LRRC1: variants seen among roughly 807,000 people sequenced by gnomAD.
LRRC1 encodes the protein leucine-rich repeat-containing protein 1.
LRRC1 carries 28 observed loss-of-function variants against 69.9 expected under a neutral mutation model. That is an observed-to-expected ratio of 0.40 (90% CI 0.30 to 0.55). The LOEUF is 0.55. Among genes scored for constraint, LRRC1 ranks in the 20% least tolerant of loss-of-function variants. The pLI, the probability that LRRC1 is intolerant of heterozygous loss-of-function variation, is 0.47. For synonymous variants in LRRC1, 236 were observed against 240.2 expected (o/e 0.98, Z 0.16); for missense variants, 498 against 609.0 (o/e 0.82, Z 1.92).
rs1381896206 is a variant in LRRC1, at chr6:53,827,112, C to T, written c.160-14998C>T. Among the ~76,000 whole-genome samples the T allele has an allele frequency of 2.0e-5, 3 of 152,068 alleles. No homozygotes were observed. In the East Asian group the frequency reaches 5.8e-4, roughly 29 times the overall value. ...GCCTGGAGATTATGCACTAAGAATT[C>T]TTATGCTTAACAGTTGCCTCAGTAA... On this transcript the variant is annotated intron_variant, in intron 1 of 13. Coordinates refer to ENST00000370888, the MANE Select transcript of LRRC1 (RefSeq NM_018214.5).
At chr6:53,800,919 C>T (rs1357702773) in intron 1 of LRRC1, among the ~76,000 whole-genome samples, 2 of 152,218 alleles carry the variant, frequency 1.3e-5, no homozygotes, top group African/African-American at 2.4e-5. Flanking sequence ...GGATTACAGG[C>T]GTTAGCCACT....
chr6:53,910,642 G>T (rs1768378308), intron 10 of LRRC1, among the ~76,000 whole-genome samples: 1 of 152,076 alleles, frequency 6.6e-6, no homozygotes, highest in East Asian at 1.9e-4. Flanking sequence ...CATTTATTTG[G>T]CAACAGCAAA....
intron 12 of LRRC1, among the ~76,000 whole-genome samples, chr6:53,920,251 A>T (rs561475675): frequency 2.6e-4 from 39 of 152,346 alleles, no homozygotes; most frequent in African/African-American, 8.9e-4. Flanking sequence ...AGTGTCCATC[A>T]TGTGCAGCCA....
chr6:53,860,652 T>G (rs569628128), intron 2 of LRRC1, among the ~76,000 whole-genome samples: 1 of 152,292 alleles, frequency 6.6e-6, no homozygotes, highest in South Asian at 2.1e-4. Flanking sequence ...AGTCCTGCTT[T>G]TCATCCATTT....
intron 11 of LRRC1, among the ~76,000 whole-genome samples, chr6:53,918,147 TC>T (rs1474847949): frequency 6.6e-6 from 1 of 152,256 alleles, no homozygotes. Flanking sequence ...AATATTGCTC[TC>T]ATTAGTGAAA....
chr6:53,907,653 T>G (rs1768282765), intron 10 of LRRC1, among the ~76,000 whole-genome samples: 1 of 152,186 alleles, frequency 6.6e-6, no homozygotes, highest in Non-Finnish European at 1.5e-5. Context: ...CCATTCTGCT[T>G]CTTAAATGCA....
intron 1 of LRRC1, among the ~76,000 whole-genome samples, chr6:53,841,693 T>C (rs1448372952): frequency 1.3e-5 from 2 of 152,128 alleles, no homozygotes; most frequent in East Asian, 3.8e-4. Context: ...CAATAATTTC[T>C]TTAAAAAATG....
chr6:53,830,645 G>A (rs770960232), intron 1 of LRRC1, among the ~76,000 whole-genome samples: 9 of 152,168 alleles, frequency 5.9e-5, no homozygotes, highest in Admixed American at 1.3e-4. Context: ...TGTGAATGTA[G>A]TATGTGTGAG....
In LRRC1 at chr6:53,922,979, G is replaced by T; in HGVS notation, c.*186G>T. 1 of 513,766 alleles carries T rather than the reference G, an allele frequency of 1.9e-6. No homozygotes were observed. 31.8% of individuals were successfully genotyped at this position (513,766 alleles called of 1,614,324 possible). A position where few individuals can be genotyped will look rare whatever the true frequency, so the allele number is the denominator to read the frequency against. On this transcript the variant is annotated 3_prime_UTR_variant, in exon 14 of 14. Coordinates refer to ENST00000370888, the MANE Select transcript of LRRC1 (RefSeq NM_018214.5). ...CATCCCGCAACCAGTCAGCGCACCA[G>T]TGGTCTCCCGGTGTGATTTTTTTTT... is the stretch of plus-strand genomic sequence containing the variant.
At chr6:53,849,371 A>G (rs1766054782) in intron 2 of LRRC1, among the ~76,000 whole-genome samples, 1 of 152,094 alleles carries the variant, frequency 6.6e-6, no homozygotes, top group Admixed American at 6.5e-5. Context: ...ATAAAACAAA[A>G]CCCTAACATA....
At chr6:53,884,060 C>T in intron 4 of LRRC1, 1 of 714,176 alleles carries the variant, frequency 1.4e-6, no homozygotes, top group Non-Finnish European at 2.6e-6. Flanking sequence ...AAAATTCTGC[C>T]CTTAAACTCT....
intron 2 of LRRC1, among the ~76,000 whole-genome samples, chr6:53,853,280 A>ATT (rs1491244839): frequency 4.0e-5 from 5 of 125,406 alleles, no homozygotes; most frequent in African/African-American, 1.8e-4. Flanking sequence ...CAGGTGGTTC[A>ATT]TATTTTTTTT....
At chr6:53,877,245 A>G (rs1258559710) in intron 2 of LRRC1, among the ~76,000 whole-genome samples, 1 of 152,178 alleles carries the variant, frequency 6.6e-6, no homozygotes, top group Non-Finnish European at 1.5e-5. Flanking sequence ...GCAGGGCACC[A>G]GGTCCCTAGA....
At chr6:53,820,506 C>G (rs1765086352) in intron 1 of LRRC1, among the ~76,000 whole-genome samples, 2 of 150,658 alleles carry the variant, frequency 1.3e-5, no homozygotes, top group East Asian at 3.9e-4. Context: ...GCATCATACT[C>G]TCCGACAAGC....
chr6:53,827,279 A>G (rs2127411108), intron 1 of LRRC1, among the ~76,000 whole-genome samples: 1 of 149,758 alleles, frequency 6.7e-6, no homozygotes, highest in African/African-American at 2.5e-5. Context: ...CCTGAGTTGG[A>G]ACTTAAAATG....
intron 1 of LRRC1, among the ~76,000 whole-genome samples, chr6:53,799,930 A>T (rs1764419237): frequency 6.6e-6 from 1 of 151,224 alleles, no homozygotes; most frequent in Non-Finnish European, 1.5e-5. Context: ...TCAGTCCCTC[A>T]CTCCCATCTG....
At chr6:53,884,370 G>C (rs1581898138) in intron 4 of LRRC1, among the ~76,000 whole-genome samples, 1 of 152,058 alleles carries the variant, frequency 6.6e-6, no homozygotes, top group Non-Finnish European at 1.5e-5. Flanking sequence ...AGCTGGGCCT[G>C]GTGGCCCAAA....
At chr6:53,815,020 G>T (rs1764910362) in intron 1 of LRRC1, among the ~76,000 whole-genome samples, 1 of 152,106 alleles carries the variant, frequency 6.6e-6, no homozygotes, top group African/African-American at 2.4e-5. Flanking sequence ...ACTTGTTGCG[G>T]GGAGCACAAC....
rs369451920 is a variant in LRRC1 at position 53,820,559 on chromosome 6, C to T, written c.160-21551C>T. Among the ~76,000 whole-genome samples, 13 of 151,386 alleles carry T rather than the reference C, an allele frequency of 8.6e-5. No homozygotes were observed. The East Asian group carries it at 1.3e-3, about 16-fold the overall frequency. On this transcript the variant is annotated intron_variant, in intron 1 of 13. Coordinates refer to ENST00000370888, the MANE Select transcript of LRRC1 (RefSeq NM_018214.5). ...GCCCACTAATTAGCATTCTGTGAAT[C>T]GCCTTTGATTGTTCAACACGTTTTA...
Sources: gnomAD v4.1 joint callset for allele counts (sites outside exome capture counted in the v4.1 genomes callset) on GRCh38, gnomAD v4.1.1 for gene constraint, MANE v1.5 for transcripts, NCBI Gene and HGNC (gene_info 2026-07-23, HGNC 2026-07-21) for gene names.